Variants in LRRC8D observed in about 807,000 individuals in gnomAD.
LRRC8D encodes volume-regulated anion channel subunit LRRC8D.
A neutral mutation model predicts 55.8 loss-of-function variants in LRRC8D; 20 were observed. The observed-to-expected ratio is 0.36, with a 90% CI of 0.25 to 0.52. LRRC8D has a LOEUF of 0.52. Ranked by LOEUF, LRRC8D falls within the 20% of genes least tolerant of loss-of-function variation. The pLI is 0.93. For missense variants in LRRC8D, 651 were observed against 1,030.8 expected (o/e 0.63, Z 5.05); for synonymous variants, 352 against 377.0 (o/e 0.93, Z 0.77).
intron 2 of LRRC8D, among the ~76,000 whole-genome samples, chr1:89,867,017 A>G (rs1342745643): frequency 6.6e-6 from 1 of 152,202 alleles, no homozygotes; most frequent in Non-Finnish European, 1.5e-5. Flanking sequence ...TTTTATTGAG[A>G]TATAATTCAT....
intron 2 of LRRC8D, among the ~76,000 whole-genome samples, chr1:89,918,396 ACT>A (rs1172192499): frequency 6.6e-6 from 1 of 152,218 alleles, no homozygotes; most frequent in African/African-American, 2.4e-5. Context: ...CTGCAGAGTT[ACT>A]CTCAGTCAGA....
chr1:89,917,170 T>G (rs1469311138), intron 2 of LRRC8D, among the ~76,000 whole-genome samples: 2 of 152,226 alleles, frequency 1.3e-5, no homozygotes, highest in Non-Finnish European at 2.9e-5. Flanking sequence ...CTGTTAGATA[T>G]CTTTATACAG....
chr1:89,843,260 A>C, intron 1 of LRRC8D: 1 of 165,964 alleles, frequency 6.0e-6, no homozygotes, highest in Non-Finnish European at 1.3e-5. Context: ...GGGAGGGTGA[A>C]GAAAGGAAGA....
chr1:89,856,777 A>G (rs1020926103), intron 2 of LRRC8D, among the ~76,000 whole-genome samples: 1 of 152,152 alleles, frequency 6.6e-6, no homozygotes, highest in Non-Finnish European at 1.5e-5. Flanking sequence ...GTGTTTAGGT[A>G]ATTTACATGT....
At chr1:89,904,062 G>T (rs1662929173) in intron 2 of LRRC8D, among the ~76,000 whole-genome samples, 1 of 152,196 alleles carries the variant, frequency 6.6e-6, no homozygotes, top group Admixed American at 6.5e-5. Flanking sequence ...ATTCAAGCCA[G>T]TTCTGTCCAA....
At chr1:89,865,399 T>A (rs1661818652) in intron 2 of LRRC8D, among the ~76,000 whole-genome samples, 1 of 149,584 alleles carries the variant, frequency 6.7e-6, no homozygotes, top group Non-Finnish European at 1.5e-5. Flanking sequence ...TATTAAACAT[T>A]TTAAAATCGC....
At chr1:89,888,234 CTA>C (rs1309321864) in intron 2 of LRRC8D, among the ~76,000 whole-genome samples, 1 of 152,184 alleles carries the variant, frequency 6.6e-6, no homozygotes, top group African/African-American at 2.4e-5. Flanking sequence ...GCACTATACT[CTA>C]TTCGATAAAG....
intron 2 of LRRC8D, among the ~76,000 whole-genome samples, chr1:89,903,218 G>A (rs1465873807): frequency 6.6e-6 from 1 of 152,146 alleles, no homozygotes; most frequent in African/African-American, 2.4e-5. Context: ...TAGAGTTGTG[G>A]GTGTGCTGGA....
intron 2 of LRRC8D, among the ~76,000 whole-genome samples, chr1:89,916,847 G>A (rs1340629943): frequency 6.6e-6 from 1 of 152,126 alleles, no homozygotes; most frequent in Admixed American, 6.6e-5. Flanking sequence ...AATTTTCAGG[G>A]TAGGAACATT....
intron 2 of LRRC8D, among the ~76,000 whole-genome samples, chr1:89,903,751 A>G (rs1432702691): frequency 1.3e-5 from 2 of 152,212 alleles, no homozygotes. Flanking sequence ...GCTGATGTTC[A>G]TAACTAGCAA....
At chr1:89,867,100 T>C (rs2100811484) in intron 2 of LRRC8D, among the ~76,000 whole-genome samples, 1 of 152,294 alleles carries the variant, frequency 6.6e-6, no homozygotes, top group South Asian at 2.1e-4. Context: ...CATGTGACCA[T>C]TACCACATCA....
At chr1:89,854,952 C>T (rs1009937873) in intron 2 of LRRC8D, among the ~76,000 whole-genome samples, 4 of 152,132 alleles carry the variant, frequency 2.6e-5, no homozygotes, top group Admixed American at 1.3e-4. Flanking sequence ...TACCCTTTGC[C>T]CCTCCTGCTG....
chr1:89,930,251 G>T (rs1663670035), intron 2 of LRRC8D, among the ~76,000 whole-genome samples: 1 of 152,194 alleles, frequency 6.6e-6, no homozygotes, highest in African/African-American at 2.4e-5. Flanking sequence ...CTGGAGTGCA[G>T]TGGTGTGATC....
chr1:89,872,833 A>G (rs554128649), intron 2 of LRRC8D, among the ~76,000 whole-genome samples: 166 of 152,274 alleles, frequency 1.1e-3, no homozygotes, highest in African/African-American at 3.3e-3. Flanking sequence ...ATGATTAGTA[A>G]TGTGTGTGCA....
Position 89,933,455 on chromosome 1 carries a change from A to C in LRRC8D, c.387A>C (p.Lys129Asn). Residue 129 changes from lysine to asparagine, a missense_variant, in exon 3 of 3, where the codon AAA (lysine) becomes AAC (asparagine). Transcript: ENST00000337338. The surrounding 1 kb of genome is among the most constrained non-coding windows in gnomAD (Gnocchi z 7.0). The stretch of plus-strand genomic sequence containing the variant: ...CACTTCCAAATCAGGAGGCAAAGAA[A>C]GAGAAGAAAGATCCAACAGGTCGAA... ...DFALPNQEAK[K>N]EKKDPTGRKT... is the part of the protein sequence containing the mutation. The C allele has an allele frequency of 6.2e-7, 1 of 1,614,198 alleles. No homozygotes were observed.
chr1:89,890,333 C>G (rs1000140670), intron 2 of LRRC8D, among the ~76,000 whole-genome samples: 5 of 152,192 alleles, frequency 3.3e-5, no homozygotes, highest in Admixed American at 2.6e-4. Context: ...GCTGAGTCAT[C>G]AAGAACAGGT....
At chr1:89,879,827 A>C (rs1044777501) in intron 2 of LRRC8D, among the ~76,000 whole-genome samples, 1 of 152,194 alleles carries the variant, frequency 6.6e-6, no homozygotes, top group African/African-American at 2.4e-5. Flanking sequence ...AGGGATAAAA[A>C]CATAAATATG....
At chr1:89,860,456 T>A (rs189434084) in intron 2 of LRRC8D, among the ~76,000 whole-genome samples, 1 of 152,058 alleles carries the variant, frequency 6.6e-6, no homozygotes, top group Admixed American at 6.6e-5. Flanking sequence ...CTCTTACACG[T>A]CCAATTTTAA....
intron 2 of LRRC8D, among the ~76,000 whole-genome samples, chr1:89,898,075 TG>T: frequency 6.6e-6 from 1 of 152,292 alleles, no homozygotes; most frequent in Non-Finnish European, 1.5e-5. Flanking sequence ...CCTCTGTATG[TG>T]GTTTAGTGCT....
Sources: allele counts gnomAD v4.1 joint callset (sites outside exome capture counted in the v4.1 genomes callset), GRCh38; gene constraint gnomAD v4.1.1; non-coding constraint Gnocchi (gnomAD v3.1); transcripts MANE v1.5; gene names NCBI Gene and HGNC (gene_info 2026-07-23, HGNC 2026-07-21).